The following SLC8A1 variants were observed in gnomAD, a reference collection of about 807,000 sequenced individuals.
SLC8A1 encodes the protein solute carrier family 8 member A1, also known as sodium/calcium exchanger 1.
SLC8A1 carries 18 observed loss-of-function variants against 68.3 expected under a neutral mutation model. The observed-to-expected ratio is 0.26, with a 90% CI of 0.18 to 0.39. The LOEUF (loss-of-function observed/expected upper bound fraction) is 0.39. Ranked by LOEUF, SLC8A1 falls within the 10% of genes least tolerant of loss-of-function variation. SLC8A1 has a pLI of 1.00. For missense variants in SLC8A1, 985 were observed against 1,156.7 expected (o/e 0.85, Z 2.15); for synonymous variants, 475 against 415.5 (o/e 1.14, Z -1.74).
chr2:40,445,568 G>T (rs1701291410), intron 1 of SLC8A1, among the ~76,000 whole-genome samples: 1 of 152,146 alleles, frequency 6.6e-6, no homozygotes, highest in African/African-American at 2.4e-5. Flanking sequence ...GCCTCCATTT[G>T]CTTATTTGTA....
At chr2:40,139,246 A>G (rs776010432) in intron 7 of SLC8A1, among the ~76,000 whole-genome samples, 155 bp downstream of exon 10, 10 of 152,262 alleles carry the variant, frequency 6.6e-5, no homozygotes, top group Non-Finnish European at 1.0e-4. Flanking sequence ...GGCCATGACA[A>G]TGTTCCGGCA....
intron 1 of SLC8A1, among the ~76,000 whole-genome samples, chr2:40,499,665 T>G (rs897306773): frequency 1.3e-5 from 2 of 152,080 alleles, no homozygotes; most frequent in Non-Finnish European, 2.9e-5. Flanking sequence ...GCAACAGTGT[T>G]CATCCCAGGA....
chr2:40,120,152 G>C (rs1021673825), intron 7 of SLC8A1, among the ~76,000 whole-genome samples: 12 of 152,210 alleles, frequency 7.9e-5, no homozygotes, highest in African/African-American at 2.9e-4. Context: ...CAGGGATAAT[G>C]TATTATCTGG....
At chr2:40,152,060 A>G (rs1558539199) in intron 6 of SLC8A1, among the ~76,000 whole-genome samples, 1 of 152,224 alleles carries the variant, frequency 6.6e-6, no homozygotes. Context: ...CTTAAGTGAC[A>G]TATTGTGAAG....
chr2:40,193,625 A>G (rs1162628709), intron 2 of SLC8A1, among the ~76,000 whole-genome samples: 3 of 152,174 alleles, frequency 2.0e-5, no homozygotes, highest in Non-Finnish European at 4.4e-5. Flanking sequence ...GAGACAGGAG[A>G]AATGCTAAAT....
At chr2:40,097,724 A>G (rs1419021863) in exon 8 of SLC8A1, 2 of 152,034 alleles carry the variant, frequency 1.3e-5, no homozygotes, top group Non-Finnish European at 2.9e-5. Flanking sequence ...TGGTAAAAAT[A>G]AAACTCTGAA....
intron 6 of SLC8A1, among the ~76,000 whole-genome samples, chr2:40,154,637 A>G (rs1255777469): frequency 1.3e-5 from 2 of 151,942 alleles, no homozygotes; most frequent in African/African-American, 4.8e-5. Context: ...AAAGTGGGCC[A>G]CAATTTCACA....
chr2:40,285,883 TTAA>T (rs2068225061), intron 2 of SLC8A1, among the ~76,000 whole-genome samples: 1 of 152,182 alleles, frequency 6.6e-6, no homozygotes, highest in African/African-American at 2.4e-5. Flanking sequence ...TTCATGTTGT[TTAA>T]TAACAGAGTA....
chr2:40,217,172 G>A (rs760699463), intron 2 of SLC8A1, among the ~76,000 whole-genome samples: 1 of 152,132 alleles, frequency 6.6e-6, no homozygotes, highest in African/African-American at 2.4e-5. Flanking sequence ...TGTATAAGGT[G>A]TAAGGAAGTG....
chr2:40,201,103 C>A (rs1489998514), intron 2 of SLC8A1, among the ~76,000 whole-genome samples: 1 of 151,150 alleles, frequency 6.6e-6, no homozygotes, highest in Non-Finnish European at 1.5e-5. Flanking sequence ...ACGGAGACCC[C>A]CACTCCCTCA....
intron 2 of SLC8A1, among the ~76,000 whole-genome samples, chr2:40,284,382 A>C (rs1466671128): frequency 6.8e-6 from 1 of 147,274 alleles, no homozygotes; most frequent in Non-Finnish European, 1.5e-5. Flanking sequence ...TATGTATGAT[A>C]TATGATATAT....
rs981880450 is a variant in SLC8A1 at position 40,128,445 on chromosome 2, T to A, written c.2437+10956A>T. 3.3e-5 allele frequency among the ~76,000 whole-genome samples: 5 copies of A among 152,148 alleles called. No individual in the cohort carries two copies. In the East Asian group the frequency reaches 9.6e-4, roughly 29 times the overall value. On this transcript the variant is annotated intron_variant, in intron 7 of 7. Coordinates refer to ENST00000406785, the Ensembl canonical transcript of SLC8A1. The stretch of plus-strand genomic sequence containing the variant: ...TCCTAATGGTTGTAATGGATTTGAA[T>A]TGATTTAGGAGCCAGCAGTCAGCAC...
intron 2 of SLC8A1, among the ~76,000 whole-genome samples, chr2:40,361,066 G>T (rs921242790): frequency 3.3e-5 from 5 of 152,134 alleles, no homozygotes; most frequent in African/African-American, 1.2e-4. Flanking sequence ...GGTGACATCA[G>T]ATAGAGTAGA....
intron 2 of SLC8A1, among the ~76,000 whole-genome samples, chr2:40,296,963 G>A (rs1226762712): frequency 6.6e-6 from 1 of 152,068 alleles, no homozygotes; most frequent in African/African-American, 2.4e-5. Flanking sequence ...TAATGATAAT[G>A]GTAATGAGCT....
At chr2:40,435,462 C>T (rs1209142886) in intron 1 of SLC8A1, among the ~76,000 whole-genome samples, 1 of 152,082 alleles carries the variant, frequency 6.6e-6, no homozygotes, top group Non-Finnish European at 1.5e-5. Context: ...ACCTAATTTT[C>T]CCTTCCAAAG....
At chr2:40,159,559 G>A (rs977205084) in intron 6 of SLC8A1, among the ~76,000 whole-genome samples, 6 of 152,116 alleles carry the variant, frequency 3.9e-5, no homozygotes, top group African/African-American at 1.4e-4. Context: ...ATTTTTGTCT[G>A]CTTAGTTGTG....
chr2:40,281,506 C>T (rs1390047453), intron 2 of SLC8A1, among the ~76,000 whole-genome samples: 1 of 152,148 alleles, frequency 6.6e-6, no homozygotes, highest in Non-Finnish European at 1.5e-5. Flanking sequence ...TCAGCCAGGG[C>T]TTGTGAGCTG....
chr2:40,321,095 C>G (rs1404404495), intron 2 of SLC8A1, among the ~76,000 whole-genome samples: 3 of 152,136 alleles, frequency 2.0e-5, no homozygotes, highest in African/African-American at 7.2e-5. Context: ...CAAGATCATA[C>G]ATCTACTTAT....
At chr2:40,448,656 T>A (rs1417721532) in intron 1 of SLC8A1, among the ~76,000 whole-genome samples, 1 of 152,124 alleles carries the variant, frequency 6.6e-6, no homozygotes, top group African/African-American at 2.4e-5. Context: ...CCAGAGAAAG[T>A]CAGGCAGAAC....
Sources: gnomAD v4.1 joint callset for allele counts (sites outside exome capture counted in the v4.1 genomes callset) on GRCh38, gnomAD v4.1.1 for gene constraint, MANE v1.5 for transcripts, NCBI Gene and HGNC (gene_info 2026-07-23, HGNC 2026-07-21) for gene names.